Variants in FAM117B observed in about 807,000 individuals in gnomAD.
FAM117B encodes protein FAM117B.
FAM117B carries 22 observed loss-of-function variants against 52.8 expected under a neutral mutation model. That is an observed-to-expected ratio of 0.42 (90% CI 0.30 to 0.59). FAM117B has a LOEUF of 0.59. Ranked by LOEUF, FAM117B falls within the 20% of genes least tolerant of loss-of-function variation. The pLI is 0.22. For synonymous variants in FAM117B, 309 were observed against 324.1 expected, an observed-to-expected ratio of 0.95 and a Z score of 0.50; for missense variants, 678 against 802.6, an observed-to-expected ratio of 0.84 and a Z score of 1.88.
At chr2:202,662,775 C>T (rs1355809966) in intron 1 of FAM117B, among the ~76,000 whole-genome samples, 4 of 151,808 alleles carry the variant, frequency 2.6e-5, no homozygotes, top group East Asian at 1.9e-4. Flanking sequence ...ACCCGGGAGG[C>T]GTAGGTTGCA....
intron 2 of FAM117B, among the ~76,000 whole-genome samples, chr2:202,710,219 G>A (rs142456722): frequency 8.9e-4 from 136 of 152,156 alleles, no homozygotes; most frequent in African/African-American, 2.8e-3. Flanking sequence ...GGGTAGTGTG[G>A]GTGTTTTAAC....
chr2:202,720,155 A>G (rs1446646060), intron 2 of FAM117B, among the ~76,000 whole-genome samples: 1 of 152,140 alleles, frequency 6.6e-6, no homozygotes, highest in Non-Finnish European at 1.5e-5. Flanking sequence ...TTATTACTAT[A>G]ATAGTTCCAA....
intron 4 of FAM117B, among the ~76,000 whole-genome samples, chr2:202,753,854 T>A (rs1691760250): frequency 1.3e-5 from 2 of 152,040 alleles, no homozygotes; most frequent in South Asian, 4.1e-4. Context: ...GAATGGCAAT[T>A]ATTAAAATAA....
chr2:202,653,999 T>C (rs1690013525), intron 1 of FAM117B, among the ~76,000 whole-genome samples: 1 of 151,444 alleles, frequency 6.6e-6, no homozygotes, highest in African/African-American at 2.4e-5. Context: ...GGTAGACTCG[T>C]GATTGCCAAA....
chr2:202,741,130 T>A (rs1377952769), intron 4 of FAM117B, among the ~76,000 whole-genome samples: 1 of 152,080 alleles, frequency 6.6e-6, no homozygotes, highest in Non-Finnish European at 1.5e-5. Context: ...GCCATTAGAA[T>A]TGGTGATGAA....
intron 7 of FAM117B, among the ~76,000 whole-genome samples, chr2:202,760,136 C>T (rs1159556912): frequency 2.6e-5 from 4 of 152,208 alleles, no homozygotes; most frequent in African/African-American, 4.8e-5. Flanking sequence ...AACCACAGTA[C>T]GATTATCTTA....
intron 4 of FAM117B, among the ~76,000 whole-genome samples, chr2:202,735,882 C>A (rs1348863421): frequency 6.6e-6 from 1 of 152,096 alleles, no homozygotes; most frequent in Non-Finnish European, 1.5e-5. Context: ...GTGCTGCACC[C>A]ATTAACTCAT....
chr2:202,730,368 A>G (rs1691320975), intron 4 of FAM117B, among the ~76,000 whole-genome samples: 1 of 152,122 alleles, frequency 6.6e-6, no homozygotes, highest in Non-Finnish European at 1.5e-5. Flanking sequence ...GTCAATTTTA[A>G]CTTTTAAAAT....
chr2:202,713,467 C>A (rs77602898), intron 2 of FAM117B, among the ~76,000 whole-genome samples: 4,807 of 152,094 alleles, frequency 0.032, 227 homozygotes, highest in African/African-American at 0.11. Context: ...TCAAAACCCA[C>A]CTTTTTGTTT....
At chr2:202,697,207 AT>A (rs1690724307) in intron 2 of FAM117B, among the ~76,000 whole-genome samples, 1 of 152,234 alleles carries the variant, frequency 6.6e-6, no homozygotes. Context: ...TACCACAATT[AT>A]AACTAGTTAA....
At chr2:202,726,984 A>C (rs932668973) in intron 4 of FAM117B, among the ~76,000 whole-genome samples, 2 of 152,192 alleles carry the variant, frequency 1.3e-5, no homozygotes, top group Admixed American at 6.5e-5. Flanking sequence ...GTCTTTTGAT[A>C]GAGACAAACC....
intron 2 of FAM117B, among the ~76,000 whole-genome samples, chr2:202,708,140 A>G (rs1315632723): frequency 6.6e-6 from 1 of 152,240 alleles, no homozygotes; most frequent in Non-Finnish European, 1.5e-5. Flanking sequence ...CAGTATAAAT[A>G]TAATAGGTAT....
chr2:202,730,575 C>T (rs1035480304), intron 4 of FAM117B, among the ~76,000 whole-genome samples: 1 of 152,094 alleles, frequency 6.6e-6, no homozygotes, highest in Non-Finnish European at 1.5e-5. Flanking sequence ...GAGGCTGAGG[C>T]ACGAGAATAG....
rs116376043 is a variant in FAM117B, at chr2:202,757,334, G to C, written c.1226G>C (p.Arg409Pro). The C allele has an allele frequency of 3.7e-6, 6 of 1,614,092 alleles. No homozygotes were observed. Among genetic ancestry groups the C allele is most frequent in the Non-Finnish European group, 5.1e-6 (6 of 1,180,036 alleles). Reference protein sequence around the residue: ...GADRGSNNSSRSQSVSPTSFL... With the variant: ...GADRGSNNSSPSQSVSPTSFL... The stretch of plus-strand genomic sequence containing the variant: ...GACAGGGGAAGCAACAACAGCAGCC[G>C]TTCCCAGTCCGTGTCCCCAACATCG... Residue 409 changes from arginine to proline, a missense_variant, in exon 6 of 8, where the codon CGT becomes CCT. This residue lies in a region of FAM117B where 583 missense variants were observed against 644.8 expected (regional missense o/e 0.90). Coordinates refer to ENST00000392238, the MANE Select transcript of FAM117B (RefSeq NM_173511.4).
chr2:202,711,922 A>G (rs1244352229), intron 2 of FAM117B, among the ~76,000 whole-genome samples: 3 of 152,090 alleles, frequency 2.0e-5, no homozygotes, highest in Admixed American at 6.6e-5. Flanking sequence ...TTGTATGCCA[A>G]TACCATGCCA....
intron 7 of FAM117B, among the ~76,000 whole-genome samples, chr2:202,761,532 A>AT (rs1348895358): frequency 6.6e-6 from 1 of 151,222 alleles, no homozygotes; most frequent in Non-Finnish European, 1.5e-5. Flanking sequence ...TTTTGTTTTT[A>AT]TTTTTTTTCT....
intron 1 of FAM117B, among the ~76,000 whole-genome samples, chr2:202,672,870 T>G (rs764818068): frequency 3.3e-5 from 5 of 151,708 alleles, no homozygotes; most frequent in Non-Finnish European, 7.4e-5. Context: ...AGGCTTTGTC[T>G]CTACAAAAAA....
intron 1 of FAM117B, among the ~76,000 whole-genome samples, chr2:202,686,066 A>G (rs1690533677): frequency 6.6e-6 from 1 of 152,232 alleles, no homozygotes; most frequent in African/African-American, 2.4e-5. Context: ...ACATAAATCC[A>G]ATTCAATAAG....
intron 1 of FAM117B, among the ~76,000 whole-genome samples, chr2:202,668,898 C>G (rs375330445): frequency 6.6e-6 from 1 of 152,034 alleles, no homozygotes; most frequent in Admixed American, 6.6e-5. Flanking sequence ...ATGTCTGCTT[C>G]GTTTTGGGGA....
Sources: gnomAD v4.1 joint callset for allele counts (sites outside exome capture counted in the v4.1 genomes callset) on GRCh38, gnomAD v4.1.1 for gene constraint, gnomAD v4.1.1 regional missense constraint, MANE v1.5 for transcripts, NCBI Gene and HGNC (gene_info 2026-07-23, HGNC 2026-07-21) for gene names.